NECAB3: variants seen among roughly 807,000 people sequenced by gnomAD.
NECAB3 encodes N-terminal EF-hand calcium binding protein 3.
NECAB3 carries 38 observed loss-of-function variants against 57.2 expected under a neutral mutation model. The observed-to-expected ratio is 0.66, with a 90% CI of 0.51 to 0.87. NECAB3 has a LOEUF of 0.87. Ranked by LOEUF, NECAB3 falls within the 40% of genes least tolerant of loss-of-function variation. NECAB3 has a pLI of 0.00. For synonymous variants in NECAB3, 223 were observed against 222.6 expected (o/e 1.00, Z -0.02); for missense variants, 474 against 527.5 (o/e 0.90, Z 0.99).
At chr20:33,672,856 G>T (rs376758069) in intron 1 of NECAB3, among the ~76,000 whole-genome samples, 6 of 152,288 alleles carry the variant, frequency 3.9e-5, no homozygotes, top group Middle Eastern at 3.4e-3. Flanking sequence ...GTGTGGCCAT[G>T]GTCTACCCCA....
Position 33,659,647 on chromosome 20 carries a change from C to T in NECAB3, c.729G>A (p.Arg243=). 2 of 1,611,036 alleles carry T rather than the reference C, an allele frequency of 1.2e-6. No homozygotes were observed. The highest frequency in any genetic ancestry group is 1.3e-5 in the African/African-American group (1 of 75,020). The change falls in exon 8 of 12, where the codon AGG becomes AGA. Residue 243 remains arginine (R), a synonymous_variant. Coordinates refer to ENST00000246190, the MANE Select transcript of NECAB3 (RefSeq NM_031232.4). ...CCTTGTGGGGCCCTGGCCCCACGGC[C>T]CTCACCTTGCACTCGAGCTGGTCGA... ...ELIDQLECKV[R]AVGPGPHKGG...
In NECAB3 at chr20:33,672,382, G is replaced by A. The variant is rs557330698; in HGVS notation, c.154+16C>T. On this transcript the variant is annotated intron_variant, in intron 2 of 11. Coordinates refer to ENST00000246190, the MANE Select transcript of NECAB3 (RefSeq NM_031232.4). ...CACCCTGCCCCACTGTGGGACCCAGGGGAAGCCACACTCACCATTCTTGTC... is the reference window on the plus strand; with the variant it reads ...CACCCTGCCCCACTGTGGGACCCAGAGGAAGCCACACTCACCATTCTTGTC... 2.5e-6 allele frequency: 4 copies of A among 1,614,138 alleles called. No homozygotes were observed. In the Admixed American group the frequency reaches 6.7e-5, roughly 27 times the overall value.
intron 2 of NECAB3, among the ~76,000 whole-genome samples, chr20:33,671,830 G>C (rs2017833631): frequency 6.6e-6 from 1 of 152,200 alleles, no homozygotes. Context: ...CGTGGGTTTA[G>C]TTGTGTCCTC....
intron 8 of NECAB3, 148 bp downstream of exon 8, chr20:33,659,349 T>C (rs1347459063): frequency 1.1e-5 from 7 of 648,142 alleles, no homozygotes; most frequent in African/African-American, 3.7e-5. Context: ...TCCTGCAGGT[T>C]CTCAGAACCC....
chr20:33,669,283 A>G (rs1274108399), intron 5 of NECAB3, 92 bp downstream of exon 5: 6 of 1,376,316 alleles, frequency 4.4e-6, no homozygotes, highest in Admixed American at 1.7e-5. Flanking sequence ...CCCTAGCTCT[A>G]TAACCCTGAG....
intron 5 of NECAB3, chr20:33,662,636 G>A: frequency 1.2e-6 from 1 of 805,316 alleles, no homozygotes; most frequent in South Asian, 1.8e-5. Context: ...GATCCCAGGA[G>A]CCCATATGGG....
At chr20:33,663,808 G>A in intron 5 of NECAB3, 1 of 1,412,342 alleles carries the variant, frequency 7.1e-7, no homozygotes, top group Non-Finnish European at 9.1e-7. Flanking sequence ...TCCCCGCGAA[G>A]CCGGCCCCGC....
Position 33,674,236 on chromosome 20 carries a change from CGT to C in NECAB3, c.115_116del (p.Thr39AlafsTer13), listed in dbSNP as rs913465222. 1 of 1,246,408 alleles carries C rather than the reference CGT, an allele frequency of 8.0e-7. No homozygotes were observed. The highest frequency in any genetic ancestry group is 1.0e-6 in the Non-Finnish European group (1 of 995,564). 77.2% of individuals were successfully genotyped at this position (1,246,408 alleles called of 1,614,324 possible). ...LAPDPGPAGH[T>X]LFQDVFRRAD... ...CGCGCCCACTCACGTCCTGGAAGAG[CGT>C]GTGTCCGGCGGGCCCCGGGTCGGGC... On this transcript the variant is annotated frameshift_variant, in exon 1 of 12. Transcript: ENST00000246190. LOFTEE classifies it high-confidence loss of function.
chr20:33,662,497 G>A (rs778131605), intron 5 of NECAB3: 1 of 1,549,248 alleles, frequency 6.5e-7, no homozygotes, highest in Non-Finnish European at 8.7e-7. Context: ...GGGGAGCAGG[G>A]CTGGGGAGGC....
Position 33,657,241 on chromosome 20 carries a change from AG to A in NECAB3, c.*587del, listed in dbSNP as rs2017315531. 6.5e-6 allele frequency: 1 copy of A among 152,798 alleles called. No homozygotes were observed. Among genetic ancestry groups the A allele is most frequent in the African/African-American group, 2.4e-5 (1 of 41,462 alleles). 9.5% of individuals were successfully genotyped at this position (152,798 alleles called of 1,614,324 possible). A position where few individuals can be genotyped will look rare whatever the true frequency, so the allele number is the denominator to read the frequency against. ...TACTGCCCTGAGAATGGGTGGGATG[AG>A]GGCATGCAAACGATATGCAAATGAC... On this transcript the variant is annotated 3_prime_UTR_variant, in exon 12 of 12. Transcript: ENST00000246190.
chr20:33,670,516 T>C, intron 3 of NECAB3, 168 bp downstream of exon 3: 1 of 536,554 alleles, frequency 1.9e-6, no homozygotes, highest in Non-Finnish European at 3.3e-6. Flanking sequence ...TGGGCAAGGC[T>C]GTAGCTGGAG....
intron 10 of NECAB3, 110 bp from the exon 11 acceptor site, chr20:33,658,143 C>A: frequency 1.0e-6 from 1 of 953,904 alleles, no homozygotes; most frequent in Non-Finnish European, 1.6e-6. Flanking sequence ...TCAGTCCTCT[C>A]CCCTGTGACA....
intron 5 of NECAB3, chr20:33,667,582 G>A (rs1341095326): frequency 1.3e-6 from 2 of 1,560,732 alleles, no homozygotes; most frequent in East Asian, 2.4e-5. Flanking sequence ...CGTGTGCCAC[G>A]CCACGCCCAT....
intron 5 of NECAB3, chr20:33,667,597 G>A: frequency 6.3e-7 from 1 of 1,579,926 alleles, no homozygotes. Context: ...GCCCATCTAC[G>A]CGGGTCACTC....
chr20:33,673,745 G>A (rs949218420), intron 1 of NECAB3, among the ~76,000 whole-genome samples: 2 of 152,176 alleles, frequency 1.3e-5, no homozygotes, highest in African/African-American at 4.8e-5. Context: ...TGGTGCCCAT[G>A]GTGGCCGCAG....
chr20:33,668,413 T>G, intron 5 of NECAB3: 1 of 847,678 alleles, frequency 1.2e-6, no homozygotes. Flanking sequence ...CATTTTGAAC[T>G]GCAGTTTGAA....
chr20:33,668,034 G>A, intron 5 of NECAB3: 2 of 1,548,922 alleles, frequency 1.3e-6, no homozygotes, highest in Non-Finnish European at 1.7e-6. Flanking sequence ...CCGAGCGCCT[G>A]GACAAGGAGC....
chr20:33,667,151 T>C (rs1308233011), intron 5 of NECAB3: 2 of 217,910 alleles, frequency 9.2e-6, no homozygotes, highest in African/African-American at 4.6e-5. Flanking sequence ...GCGGTGGTGG[T>C]GGACCAGGGC....
intron 5 of NECAB3, chr20:33,668,357 T>TA (rs1256336357): frequency 7.3e-7 from 1 of 1,367,498 alleles, no homozygotes; most frequent in Non-Finnish European, 9.8e-7. Context: ...GTCACCCCCA[T>TA]ACCCTTTCTG....
Sources: allele counts gnomAD v4.1 joint callset (sites outside exome capture counted in the v4.1 genomes callset), GRCh38; gene constraint gnomAD v4.1.1; transcripts MANE v1.5; gene names NCBI Gene and HGNC (gene_info 2026-07-23, HGNC 2026-07-21).